MAPKAP1: variants seen among roughly 807,000 people sequenced by gnomAD.
MAPKAP1 encodes target of rapamycin complex 2 subunit MAPKAP1.
In MAPKAP1, 20 loss-of-function variants were observed where a neutral mutation model predicts 65.7. The observed-to-expected ratio is 0.30, with a 90% CI of 0.21 to 0.44. The LOEUF is 0.44. Ranked by LOEUF, MAPKAP1 falls within the 20% of genes least tolerant of loss-of-function variation. MAPKAP1 has a pLI of 1.00. For missense variants in MAPKAP1, 423 were observed against 648.0 expected (o/e 0.65, Z 3.77); for synonymous variants, 222 against 244.3 (o/e 0.91, Z 0.85).
At chr9:125,546,674 G>A (rs549118343) in intron 6 of MAPKAP1, among the ~76,000 whole-genome samples, 7 of 152,266 alleles carry the variant, frequency 4.6e-5, no homozygotes, top group African/African-American at 1.7e-4. Context: ...GTGGGATGCT[G>A]GGTTTGAAGC....
At chr9:125,592,820 G>A (rs1034211790) in intron 4 of MAPKAP1, among the ~76,000 whole-genome samples, 41 of 150,022 alleles carry the variant, frequency 2.7e-4, no homozygotes, top group African/African-American at 9.5e-4. Context: ...GGAGAATGGC[G>A]TGAACCCTGG....
In MAPKAP1 at chr9:125,623,778, G is replaced by A. The variant is rs1396158430; in HGVS notation, c.498+33873C>T. ...AGGTGGGGGGTCAGCCCCCCCGCCCGGCCAGCCGTGCCGTCCGGGAGGGAG... is the reference window on the plus strand; with the variant it reads ...AGGTGGGGGGTCAGCCCCCCCGCCCAGCCAGCCGTGCCGTCCGGGAGGGAG... On this transcript the variant is annotated intron_variant, in intron 4 of 11. Transcript: ENST00000265960. 3.1e-4 allele frequency among the ~76,000 whole-genome samples: 17 copies of A among 55,518 alleles called. No individual in the cohort carries two copies. The East Asian group carries it at 7.1e-3, about 23-fold the overall frequency. 36.4% of individuals were successfully genotyped at this position (55,518 alleles called of 152,430 possible). A position where few individuals can be genotyped will look rare whatever the true frequency, so the allele number is the denominator to read the frequency against.
At chr9:125,488,204 C>G (rs886927586) in intron 8 of MAPKAP1, among the ~76,000 whole-genome samples, 1 of 152,174 alleles carries the variant, frequency 6.6e-6, no homozygotes, top group Non-Finnish European at 1.5e-5. Context: ...CCCCAACTGA[C>G]AAGGGGCATG....
chr9:125,606,270 A>G (rs1832436645), intron 4 of MAPKAP1, among the ~76,000 whole-genome samples: 2 of 152,184 alleles, frequency 1.3e-5, no homozygotes, highest in Admixed American at 1.3e-4. Flanking sequence ...AGGGTTAAAG[A>G]AAAAGGAAAA....
chr9:125,492,489 T>C (rs1224019106), intron 8 of MAPKAP1, among the ~76,000 whole-genome samples: 3 of 152,252 alleles, frequency 2.0e-5, no homozygotes, highest in Non-Finnish European at 2.9e-5. Context: ...AGGCTAATTA[T>C]AAATACTGTT....
At chr9:125,635,707 T>C (rs941963499) in intron 4 of MAPKAP1, among the ~76,000 whole-genome samples, 1 of 152,226 alleles carries the variant, frequency 6.6e-6, no homozygotes, top group African/African-American at 2.4e-5. Context: ...TGCTAAATGA[T>C]GTAAAGATGA....
At chr9:125,471,388 C>T in intron 9 of MAPKAP1, 1 of 153,320 alleles carries the variant, frequency 6.5e-6, no homozygotes, top group Non-Finnish European at 1.5e-5. Context: ...GGTGCCACAG[C>T]CCAGGCCAGG....
intron 4 of MAPKAP1, chr9:125,596,287 G>A: frequency 1.3e-6 from 1 of 760,522 alleles, no homozygotes; most frequent in Admixed American, 1.7e-5. Context: ...GGTCGTGAAG[G>A]TGACTTCGGT....
chr9:125,572,470 A>G (rs1186206535), intron 5 of MAPKAP1, among the ~76,000 whole-genome samples: 1 of 152,248 alleles, frequency 6.6e-6, no homozygotes, highest in African/African-American at 2.4e-5. Flanking sequence ...ATTTGTCTTT[A>G]GTAAAAATGA....
intron 4 of MAPKAP1, among the ~76,000 whole-genome samples, chr9:125,601,269 T>C (rs1479309696): frequency 6.6e-6 from 1 of 152,194 alleles, no homozygotes; most frequent in African/African-American, 2.4e-5. Flanking sequence ...TAGCGAAGTA[T>C]TTTGAGAATG....
At chr9:125,538,897 T>A (rs1282194594) in intron 7 of MAPKAP1, among the ~76,000 whole-genome samples, 2 of 152,198 alleles carry the variant, frequency 1.3e-5, no homozygotes, top group Non-Finnish European at 2.9e-5. Context: ...TTACATGAAA[T>A]TTTTAAGATA....
chr9:125,525,706 CAAAA>C (rs72340047), intron 7 of MAPKAP1, among the ~76,000 whole-genome samples: 1 of 100,928 alleles, frequency 9.9e-6, no homozygotes, highest in Non-Finnish European at 2.5e-5. Flanking sequence ...CAAAAACAAA[CAAAA>C]AAAAAAAAAG....
At chr9:125,566,702 T>C (rs1831065496) in intron 5 of MAPKAP1, among the ~76,000 whole-genome samples, 1 of 152,224 alleles carries the variant, frequency 6.6e-6, no homozygotes, top group East Asian at 1.9e-4. Context: ...TTCTATAGGA[T>C]ATCCCATTTC....
intron 8 of MAPKAP1, among the ~76,000 whole-genome samples, chr9:125,493,922 C>T (rs1289500022): frequency 2.6e-5 from 4 of 152,180 alleles, no homozygotes; most frequent in East Asian, 3.8e-4. Context: ...TCCAAAATTG[C>T]ACCTTTAACC....
rs1224398797 is a variant in MAPKAP1, at chr9:125,543,187, A to T, written c.849-19T>A. The T allele has an allele frequency of 6.6e-7, 1 of 1,514,392 alleles. No individual in the cohort carries two copies. The highest frequency in any genetic ancestry group is 1.4e-5 in the African/African-American group (1 of 73,002). 93.8% of individuals were successfully genotyped at this position (1,514,392 alleles called of 1,614,324 possible). ...AGCATTTCTGTAGGAAAAGACAAAT[A>T]TTAAATCATCACCAACATTCATCCA... On this transcript the variant is annotated intron_variant, in intron 6 of 11. Transcript: ENST00000265960.
intron 7 of MAPKAP1, among the ~76,000 whole-genome samples, chr9:125,508,025 G>A (rs1275414378): frequency 6.6e-6 from 1 of 152,036 alleles, no homozygotes; most frequent in Non-Finnish European, 1.5e-5. Flanking sequence ...AATTAGCCAG[G>A]CATGGTGGTG....
At chr9:125,462,627 G>A (rs1158327114) in intron 10 of MAPKAP1, among the ~76,000 whole-genome samples, 1 of 152,192 alleles carries the variant, frequency 6.6e-6, no homozygotes, top group Admixed American at 6.5e-5. Flanking sequence ...TTTGTTTAAT[G>A]ACTGACTGCT....
chr9:125,515,651 G>A (rs191847797), intron 7 of MAPKAP1, among the ~76,000 whole-genome samples: 94 of 152,190 alleles, frequency 6.2e-4, no homozygotes, highest in Non-Finnish European at 1.1e-3. Context: ...AAATTGAACC[G>A]ATCACCAGAG....
chr9:125,487,615 T>TAAAAAAAAAAAAAAAAAAAAAA (rs35665829), intron 8 of MAPKAP1, among the ~76,000 whole-genome samples: 1 of 126,832 alleles, frequency 7.9e-6, no homozygotes. Flanking sequence ...TGCCAATTAC[T>TAAAAAAAAAAAAAAAAAAAAAA]AAAAAAAAAA....
Sources: gnomAD v4.1 joint callset for allele counts (sites outside exome capture counted in the v4.1 genomes callset) on GRCh38, gnomAD v4.1.1 for gene constraint, MANE v1.5 for transcripts, NCBI Gene and HGNC (gene_info 2026-07-23, HGNC 2026-07-21) for gene names.